FMNL3: variants seen among roughly 807,000 people sequenced by gnomAD.
FMNL3 encodes the protein formin-like protein 3.
A neutral mutation model predicts 119.6 loss-of-function variants in FMNL3; 57 were observed. That is an observed-to-expected ratio of 0.48 (90% CI 0.39 to 0.59). The LOEUF (loss-of-function observed/expected upper bound fraction) is 0.59. Ranked by LOEUF, FMNL3 falls within the 20% of genes least tolerant of loss-of-function variation. The pLI is 0.00. For missense variants in FMNL3, 1,053 were observed against 1,323.5 expected (o/e 0.80, Z 3.17); for synonymous variants, 491 against 507.3 (o/e 0.97, Z 0.43).
chr12:49,641,033 A>AG lies in FMNL3; in HGVS notation c.*4781dup, dbSNP rs1942567129. 1 of 152,256 alleles carries AG rather than the reference A, an allele frequency of 6.6e-6. No individual in the cohort carries two copies. Among genetic ancestry groups the AG allele is most frequent in the Non-Finnish European group, 1.5e-5 (1 of 68,056 alleles). The allele number at this position is 152,256 out of a possible 1,614,324, so 9.4% of individuals were successfully genotyped here. The stretch of plus-strand genomic sequence containing the variant: ...GCCAGAGGAGGTGAGAGCTATGTGG[A>AG]GGGAGAGAAAGGGAATCTGGCCTGT... On this transcript the variant is annotated 3_prime_UTR_variant, in exon 26 of 26. Coordinates refer to ENST00000335154, the MANE Select transcript of FMNL3 (RefSeq NM_175736.5).
intron 1 of FMNL3, among the ~76,000 whole-genome samples, chr12:49,679,477 A>G (rs1405668752): frequency 7.0e-6 from 1 of 142,552 alleles, no homozygotes; most frequent in South Asian, 2.3e-4. Context: ...CTAACCTCCC[A>G]TTAGCACTCA....
At chr12:49,662,908 C>T (rs371683506) in intron 4 of FMNL3, among the ~76,000 whole-genome samples, 2 of 152,276 alleles carry the variant, frequency 1.3e-5, no homozygotes. Context: ...AGGATGAAAC[C>T]CTAATCTAGA....
rs769323674 is a variant in FMNL3, at chr12:49,648,184, C to T, written c.2676+9G>A. 1.5e-4 allele frequency: 235 copies of T among 1,609,626 alleles called. No homozygotes were observed. The highest frequency in any genetic ancestry group is 1.8e-4 in the East Asian group (8 of 44,706). On this transcript the variant is annotated intron_variant, in intron 22 of 25. Transcript: ENST00000335154. ...CTGGTTGCTCCCACCGCCTGCACCC[C>T]GTGCTTGCCTCAGCCGTCTTGGCGT...
At chr12:49,701,744 T>A (rs1235920239) in intron 1 of FMNL3, among the ~76,000 whole-genome samples, 2 of 151,960 alleles carry the variant, frequency 1.3e-5, no homozygotes, top group Middle Eastern at 3.4e-3. Flanking sequence ...CAACACATGG[T>A]GAAACCCCGT....
At position 49,686,192 on chromosome 12, in the gene FMNL3, C is replaced by G. The variant is rs1212421415; in HGVS notation, c.127-17638G>C. 2.0e-5 allele frequency among the ~76,000 whole-genome samples: 3 copies of G among 151,850 alleles called. No homozygotes were observed. In the East Asian group the frequency reaches 6.0e-4, roughly 30 times the overall value. On this transcript the variant is annotated intron_variant, in intron 1 of 25. Transcript: ENST00000335154. Reference sequence around the variant, plus strand: ...GCATGATCATAGCGTACTGCAGCCTCAATCTCCCAGGCCCAAGCAATCCTT... The same window carrying G: ...GCATGATCATAGCGTACTGCAGCCTGAATCTCCCAGGCCCAAGCAATCCTT...
Position 49,706,590 on chromosome 12 carries a change from C to G in FMNL3, c.126+465G>C, listed in dbSNP as rs569343764. The stretch of plus-strand genomic sequence containing the variant: ...CATCTGGTCTGGGCTGGGAGTGGGA[C>G]CCACTCCCTGGGAAGCCTCCATGTT... On this transcript the variant is annotated intron_variant, in intron 1 of 25. Coordinates refer to ENST00000335154, the MANE Select transcript of FMNL3 (RefSeq NM_175736.5). Among the ~76,000 whole-genome samples, 5 of 152,262 alleles carry G rather than the reference C, an allele frequency of 3.3e-5. No individual in the cohort carries two copies. In the South Asian group the frequency reaches 8.3e-4, roughly 25 times the overall value.
chr12:49,655,333 G>C (rs1331592411), intron 9 of FMNL3, among the ~76,000 whole-genome samples: 1 of 152,228 alleles, frequency 6.6e-6, no homozygotes, highest in Non-Finnish European at 1.5e-5. Flanking sequence ...TTGGGAGGCA[G>C]AGGCAGAAGA....
chr12:49,652,922 G>C (rs1397785016), intron 13 of FMNL3, among the ~76,000 whole-genome samples: 4 of 152,162 alleles, frequency 2.6e-5, no homozygotes, highest in Non-Finnish European at 1.5e-5. Context: ...CACGGGGGTA[G>C]AGGGGAGAAA....
At chr12:49,702,727 T>C (rs898257373) in intron 1 of FMNL3, among the ~76,000 whole-genome samples, 2 of 152,130 alleles carry the variant, frequency 1.3e-5, no homozygotes, top group African/African-American at 4.8e-5. Flanking sequence ...GGGTCTTCTC[T>C]GTGGGGTCTC....
rs939005333 is a variant in FMNL3, at chr12:49,639,528, G to A, written c.*6287C>T. On this transcript the variant is annotated 3_prime_UTR_variant, in exon 26 of 26. Transcript: ENST00000335154. ...TCCAGCTGTTCTTCTGAGACACTCT[G>A]GGTTTCTATGTAGGTGCCTTGAGAC... 6.6e-6 allele frequency: 1 copy of A among 152,258 alleles called. No homozygotes were observed. Among genetic ancestry groups the A allele is most frequent in the African/African-American group, 2.4e-5 (1 of 41,438 alleles). 9.4% of individuals were successfully genotyped at this position (152,258 alleles called of 1,614,324 possible). A position where few individuals can be genotyped will look rare whatever the true frequency, so the allele number is the denominator to read the frequency against.
Position 49,682,717 on chromosome 12 carries a change from G to A in FMNL3, c.127-14163C>T, listed in dbSNP as rs561072480. 5.3e-5 allele frequency among the ~76,000 whole-genome samples: 8 copies of A among 152,258 alleles called. No individual in the cohort carries two copies. The East Asian group carries it at 1.4e-3, about 26-fold the overall frequency. ...GTTGAATAGTATAGGTTAAACATAC[G>A]TAAAGTATGATTCCCTCATCTCATG... On this transcript the variant is annotated intron_variant, in intron 1 of 25. Transcript: ENST00000335154.
Position 49,639,020 on chromosome 12 carries a change from C to T in FMNL3, c.*6795G>A, listed in dbSNP as rs1027936532. 1 of 152,204 alleles carries T rather than the reference C, an allele frequency of 6.6e-6. No homozygotes were observed. The highest frequency in any genetic ancestry group is 1.5e-5 in the Non-Finnish European group (1 of 68,040). The allele number at this position is 152,204 out of a possible 1,614,324, so 9.4% of individuals were successfully genotyped here. ...TTACTTACCATTAGGTAAGATGTAT[C>T]ATACTGTCCTGAGGTATCCTCTCTT... On this transcript the variant is annotated 3_prime_UTR_variant, in exon 26 of 26. Transcript: ENST00000335154.
At position 49,642,958 on chromosome 12, in the gene FMNL3, G is replaced by A. The variant is rs768250601; in HGVS notation, c.*2857C>T. ...GAATGCCAGCACCTCCACACCAAAGGCCGAAAGCATGGCAGGAAAGGCAAG... is the reference window on the plus strand; with the variant it reads ...GAATGCCAGCACCTCCACACCAAAGACCGAAAGCATGGCAGGAAAGGCAAG... On this transcript the variant is annotated 3_prime_UTR_variant, in exon 26 of 26. Transcript: ENST00000335154. This position sits in a 1 kb window ranked among gnomAD's most constrained non-coding sequence, Gnocchi z 5.8. 2 of 1,613,662 alleles carry A rather than the reference G, an allele frequency of 1.2e-6. No individual in the cohort carries two copies. Among genetic ancestry groups the A allele is most frequent in the Non-Finnish European group, 1.7e-6 (2 of 1,179,836 alleles).
chr12:49,654,883 G>T, intron 10 of FMNL3, 27 bp downstream of exon 10: 1 of 1,610,660 alleles, frequency 6.2e-7, no homozygotes, highest in Non-Finnish European at 8.5e-7. Flanking sequence ...TGGTGGGTAT[G>T]TGCTGGACCC....
At chr12:49,679,340 C>T (rs1375149122) in intron 1 of FMNL3, among the ~76,000 whole-genome samples, 1 of 152,066 alleles carries the variant, frequency 6.6e-6, no homozygotes, top group Non-Finnish European at 1.5e-5. Flanking sequence ...CCCTTCTTTG[C>T]ACCTTTCCAA....
intron 1 of FMNL3, among the ~76,000 whole-genome samples, chr12:49,686,452 C>T (rs1944462071): frequency 6.6e-6 from 1 of 151,678 alleles, no homozygotes; most frequent in African/African-American, 2.4e-5. Flanking sequence ...GTGGCGGGCG[C>T]CTGTAGTCCC....
chr12:49,650,659 G>A lies in FMNL3; in HGVS notation c.2000+17C>T. 6.2e-7 allele frequency: 1 copy of A among 1,612,146 alleles called. No individual in the cohort carries two copies. The highest frequency in any genetic ancestry group is 8.5e-7 in the Non-Finnish European group (1 of 1,179,682). ...CCAACAGACTAGGGACCAGAGCCAG[G>A]TCAGTGGGAGCCTCACGTATGAATG... On this transcript the variant is annotated intron_variant, in intron 17 of 25. Transcript: ENST00000335154.
chr12:49,637,308 C>G lies in FMNL3; in HGVS notation c.*8507G>C, dbSNP rs1941958687. ...TTACTTTCTCTCTTTTTGCATTGTTCTCAGCCTTCCATCTGCATCTCTTCA... is the reference window on the plus strand; with the variant it reads ...TTACTTTCTCTCTTTTTGCATTGTTGTCAGCCTTCCATCTGCATCTCTTCA... On this transcript the variant is annotated 3_prime_UTR_variant, in exon 26 of 26. Transcript: ENST00000335154. 1.6e-6 allele frequency: 1 copy of G among 613,742 alleles called. No homozygotes were observed. The highest frequency in any genetic ancestry group is 2.8e-5 in the Admixed American group (1 of 36,168). The allele number at this position is 613,742 out of a possible 1,614,324, so 38.0% of individuals were successfully genotyped here. A position where few individuals can be genotyped will look rare whatever the true frequency, so the allele number is the denominator to read the frequency against.
intron 5 of FMNL3, 45 bp from the exon 6 acceptor site, chr12:49,658,639 C>G: frequency 6.5e-7 from 1 of 1,531,818 alleles, no homozygotes; most frequent in Admixed American, 2.0e-5. Flanking sequence ...GGCACATACA[C>G]AGGAGAAATT....
Sources: allele counts gnomAD v4.1 joint callset (sites outside exome capture counted in the v4.1 genomes callset), GRCh38; gene constraint gnomAD v4.1.1; non-coding constraint Gnocchi (gnomAD v3.1); transcripts MANE v1.5; gene names NCBI Gene and HGNC (gene_info 2026-07-23, HGNC 2026-07-21).